The following GABRB3 variants were observed in gnomAD, a reference collection of about 807,000 sequenced individuals.
The protein encoded by GABRB3 is gamma-aminobutyric acid receptor subunit beta-3.
In GABRB3, 14 loss-of-function variants were observed where a neutral mutation model predicts 52.1. That is an observed-to-expected ratio of 0.27 (90% CI 0.18 to 0.42). The LOEUF is 0.42. Ranked by LOEUF, GABRB3 falls within the 10% of genes least tolerant of loss-of-function variation. GABRB3 has a pLI of 1.00. For synonymous variants in GABRB3, 260 were observed against 232.3 expected, an observed-to-expected ratio of 1.12 and a Z score of -1.08; for missense variants, 307 against 609.1, an observed-to-expected ratio of 0.50 and a Z score of 5.22.
At chr15:26,736,813 C>T (rs1199417279) in intron 3 of GABRB3, among the ~76,000 whole-genome samples, 1 of 152,246 alleles carries the variant, frequency 6.6e-6, no homozygotes, top group Non-Finnish European at 1.5e-5. Context: ...GAACCCATAA[C>T]TCAATGGCCA....
chr15:26,547,507 C>A lies in GABRB3; in HGVS notation c.*286G>T. ...AACTATGACTTTCTTTAATATGCATCCTGTGGTAAATTGTCCATAGCTGCA... is the reference window on the plus strand; with the variant it reads ...AACTATGACTTTCTTTAATATGCATACTGTGGTAAATTGTCCATAGCTGCA... On this transcript the variant is annotated 3_prime_UTR_variant, in exon 9 of 9. Transcript: ENST00000311550. The A allele has an allele frequency of 2.0e-6, 1 of 507,184 alleles. No individual in the cohort carries two copies. Among genetic ancestry groups the A allele is most frequent in the Non-Finnish European group, 3.4e-6 (1 of 290,458 alleles). The allele number at this position is 507,184 out of a possible 1,614,324, so 31.4% of individuals were successfully genotyped here.
chr15:26,564,489 A>G (rs560850283), intron 7 of GABRB3, among the ~76,000 whole-genome samples: 1 of 152,214 alleles, frequency 6.6e-6, no homozygotes, highest in Non-Finnish European at 1.5e-5. Context: ...TCCAGGTCCA[A>G]CAGTGCCCAG....
intron 3 of GABRB3, among the ~76,000 whole-genome samples, chr15:26,690,874 T>C (rs1888567690): frequency 6.6e-6 from 1 of 150,620 alleles, no homozygotes; most frequent in East Asian, 2.1e-4. Context: ...CAAGGAATTA[T>C]GCAAAACCTG....
At chr15:26,762,872 C>T (rs1389537100) in intron 3 of GABRB3, among the ~76,000 whole-genome samples, 1 of 152,194 alleles carries the variant, frequency 6.6e-6, no homozygotes, top group Non-Finnish European at 1.5e-5. Context: ...AATGACACCT[C>T]ACAGGGAATT....
intron 8 of GABRB3, among the ~76,000 whole-genome samples, chr15:26,555,087 G>A (rs1393685583): frequency 1.3e-5 from 2 of 152,280 alleles, no homozygotes; most frequent in East Asian, 1.9e-4. Flanking sequence ...GGGAGGCTGA[G>A]GCAGGAGAAT....
At position 26,572,167 on chromosome 15, in the gene GABRB3, G is replaced by A. The variant is rs1010869646; in HGVS notation, c.683-4434C>T. Among the ~76,000 whole-genome samples the A allele has an allele frequency of 8.6e-5, 13 of 151,872 alleles. No homozygotes were observed. The East Asian group carries it at 1.5e-3, about 18-fold the overall frequency. The stretch of plus-strand genomic sequence containing the variant: ...GGAAACAGTAAGTGGGGCAAACAAC[G>A]AAGGTGAATAAAAGCACAGTTTACC... On this transcript the variant is annotated intron_variant, in intron 6 of 8. Coordinates refer to ENST00000311550, the MANE Select transcript of GABRB3 (RefSeq NM_000814.6).
At chr15:26,555,474 T>C (rs1177798920) in intron 8 of GABRB3, among the ~76,000 whole-genome samples, 1 of 152,138 alleles carries the variant, frequency 6.6e-6, no homozygotes, top group Non-Finnish European at 1.5e-5. Flanking sequence ...CACTGTTGTG[T>C]TTGGGAGACG....
intron 4 of GABRB3, among the ~76,000 whole-genome samples, chr15:26,602,291 G>A (rs772534877): frequency 1.3e-5 from 2 of 152,030 alleles, no homozygotes; most frequent in African/African-American, 2.4e-5. Flanking sequence ...GAGAGAGATA[G>A]GCGTCCTTAC....
intron 3 of GABRB3, among the ~76,000 whole-genome samples, chr15:26,746,784 G>C (rs578050824): frequency 6.6e-6 from 1 of 151,986 alleles, no homozygotes; most frequent in African/African-American, 2.4e-5. Context: ...TCAGGAGATC[G>C]AGACCATCCT....
chr15:26,638,200 G>C (rs2140567860), intron 3 of GABRB3, among the ~76,000 whole-genome samples: 1 of 152,232 alleles, frequency 6.6e-6, no homozygotes, highest in East Asian at 1.9e-4. Context: ...CCTGGTCAGA[G>C]CAAGGTCACA....
chr15:26,641,112 C>A (rs1253588241), intron 3 of GABRB3, among the ~76,000 whole-genome samples: 24 of 152,180 alleles, frequency 1.6e-4, no homozygotes, highest in Non-Finnish European at 4.4e-5. Context: ...CAAGGTTAAA[C>A]AGAACGGTAT....
In GABRB3 at chr15:26,712,884, G is replaced by A. The variant is rs550156172; in HGVS notation, c.240+59518C>T. 1.4e-4 allele frequency among the ~76,000 whole-genome samples: 21 copies of A among 152,276 alleles called. No homozygotes were observed. The East Asian group carries it at 3.3e-3, about 24-fold the overall frequency. ...GTGCAGGGAAGCTTCAAGGAACCCC[G>A]CGGGCTGGGAAACCCAAAGCCAGCC... On this transcript the variant is annotated intron_variant, in intron 3 of 8. Transcript: ENST00000311550.
chr15:26,677,676 T>A (rs1566802016), intron 3 of GABRB3, among the ~76,000 whole-genome samples: 1 of 152,216 alleles, frequency 6.6e-6, no homozygotes. Context: ...CAATACTACA[T>A]TGTGATATGG....
intron 3 of GABRB3, among the ~76,000 whole-genome samples, chr15:26,741,356 G>A (rs1382819319): frequency 2.6e-5 from 4 of 152,046 alleles, no homozygotes; most frequent in South Asian, 4.1e-4. Flanking sequence ...ACTGACAGAC[G>A]AGACCCATCA....
chr15:26,721,576 T>A (rs944814543), intron 3 of GABRB3, among the ~76,000 whole-genome samples: 1 of 151,838 alleles, frequency 6.6e-6, no homozygotes, highest in Non-Finnish European at 1.5e-5. Context: ...CACATGGGCA[T>A]GCATTAATCT....
intron 3 of GABRB3, among the ~76,000 whole-genome samples, chr15:26,733,259 C>T (rs8041471): frequency 0.28 from 42,192 of 151,414 alleles, 6,077 homozygotes; most frequent in African/African-American, 0.3. Context: ...ATACATACTA[C>T]ACACACATAC....
intron 3 of GABRB3, among the ~76,000 whole-genome samples, chr15:26,703,796 C>A (rs1023203597): frequency 6.6e-6 from 1 of 152,202 alleles, no homozygotes; most frequent in South Asian, 2.1e-4. Flanking sequence ...GACTGAAGAA[C>A]AATCTTTGAC....
At chr15:26,665,290 C>T (rs1887674605) in intron 3 of GABRB3, among the ~76,000 whole-genome samples, 1 of 152,086 alleles carries the variant, frequency 6.6e-6, no homozygotes, top group South Asian at 2.1e-4. Flanking sequence ...TCTCTCTCCA[C>T]GAGTTCAATT....
chr15:26,594,309 T>C (rs952362038), intron 4 of GABRB3, among the ~76,000 whole-genome samples: 2 of 152,042 alleles, frequency 1.3e-5, no homozygotes, highest in African/African-American at 4.8e-5. Flanking sequence ...CATTTCATCA[T>C]TATAATGCGG....
Sources: gnomAD v4.1 joint callset for allele counts (sites outside exome capture counted in the v4.1 genomes callset) on GRCh38, gnomAD v4.1.1 for gene constraint, MANE v1.5 for transcripts, NCBI Gene and HGNC (gene_info 2026-07-23, HGNC 2026-07-21) for gene names.